GXYLT1: variants seen among roughly 807,000 people sequenced by gnomAD.
GXYLT1 encodes the protein glucoside xylosyltransferase 1, also known as glycosyltransferase 8 domain containing 3.
Under a neutral mutation model 54.0 loss-of-function variants are expected in GXYLT1, and 29 were observed. The ratio of observed to expected loss-of-function variants is 0.54; its 90% CI spans 0.40 to 0.73. GXYLT1 has a LOEUF of 0.73. GXYLT1 is among the 30% of genes least tolerant of loss of function. The probability of loss-of-function intolerance (pLI) is 0.00; values close to 1 mark genes in which losing one functional copy is unlikely to be tolerated. For synonymous variants in GXYLT1, 176 were observed against 204.1 expected, an observed-to-expected ratio of 0.86 and a Z score of 1.17; for missense variants, 490 against 553.4, an observed-to-expected ratio of 0.89 and a Z score of 1.15.
intron 3 of GXYLT1, among the ~76,000 whole-genome samples, chr12:42,118,071 G>C (rs2065507747): frequency 6.6e-6 from 1 of 152,194 alleles, no homozygotes; most frequent in South Asian, 2.1e-4. Context: ...TGAAGATAAA[G>C]AATTGCCATA....
At chr12:42,111,311 C>T (rs925747039) in intron 3 of GXYLT1, among the ~76,000 whole-genome samples, 2 of 152,196 alleles carry the variant, frequency 1.3e-5, no homozygotes, top group South Asian at 2.1e-4. Flanking sequence ...GCACCGTGCG[C>T]GAGCCGAACC....
At chr12:42,125,552 G>C (rs1190259793) in intron 2 of GXYLT1, among the ~76,000 whole-genome samples, 1 of 152,178 alleles carries the variant, frequency 6.6e-6, no homozygotes, top group African/African-American at 2.4e-5. Flanking sequence ...AACTGGTCTG[G>C]TCTCAAAAGC....
chr12:42,135,010 C>A (rs2065611710), intron 1 of GXYLT1, among the ~76,000 whole-genome samples: 1 of 152,216 alleles, frequency 6.6e-6, no homozygotes, highest in Non-Finnish European at 1.5e-5. Context: ...GATTATACAA[C>A]CCTATTCATT....
At chr12:42,143,539 T>C (rs2065663112) in intron 1 of GXYLT1, among the ~76,000 whole-genome samples, 1 of 152,154 alleles carries the variant, frequency 6.6e-6, no homozygotes. Flanking sequence ...TACTTCTCTA[T>C]ATCAAAGCAG....
intron 2 of GXYLT1, among the ~76,000 whole-genome samples, chr12:42,124,978 C>G (rs2065552063): frequency 6.6e-6 from 1 of 152,162 alleles, no homozygotes; most frequent in Non-Finnish European, 1.5e-5. Flanking sequence ...AGGCATGAGA[C>G]TTAAATGATA....
At chr12:42,135,093 G>C (rs542259433) in intron 1 of GXYLT1, among the ~76,000 whole-genome samples, 3 of 152,306 alleles carry the variant, frequency 2.0e-5, no homozygotes, top group African/African-American at 7.2e-5. Context: ...CCTTATTCAA[G>C]TGACTTGCTT....
intron 1 of GXYLT1, among the ~76,000 whole-genome samples, chr12:42,141,339 C>G (rs1325978812): frequency 6.6e-6 from 1 of 152,202 alleles, no homozygotes. Context: ...GCCCTGCTAT[C>G]TGCAGTTTTT....
At chr12:42,101,650 C>T (rs180819639) in intron 5 of GXYLT1, among the ~76,000 whole-genome samples, 1 of 151,926 alleles carries the variant, frequency 6.6e-6, no homozygotes, top group Non-Finnish European at 1.5e-5. Flanking sequence ...TGGCTCACTG[C>T]AACCTCCACC....
At chr12:42,112,322 C>T (rs2065462913) in intron 3 of GXYLT1, among the ~76,000 whole-genome samples, 1 of 151,910 alleles carries the variant, frequency 6.6e-6, no homozygotes, top group African/African-American at 2.4e-5. Flanking sequence ...TGAGAGAAGG[C>T]TTCAGAAGAT....
At chr12:42,134,995 A>G (rs2065611650) in intron 1 of GXYLT1, among the ~76,000 whole-genome samples, 1 of 152,226 alleles carries the variant, frequency 6.6e-6, no homozygotes, top group Admixed American at 6.5e-5. Context: ...ATTTAACTGT[A>G]AAAGGATTAT....
rs1326301164 is a variant in GXYLT1 at position 42,111,658 on chromosome 12, C to A, written c.487-1967G>T. Among the ~76,000 whole-genome samples the A allele has an allele frequency of 2.0e-5, 3 of 152,228 alleles. No homozygotes were observed. In the East Asian group the frequency reaches 5.8e-4, roughly 29 times the overall value. ...CCAGGAAGCTCGAACTGGGTGGAGCCCACCACAGCTCAAGGAGGCCTGCCT... is the reference window on the plus strand; with the variant it reads ...CCAGGAAGCTCGAACTGGGTGGAGCACACCACAGCTCAAGGAGGCCTGCCT... On this transcript the variant is annotated intron_variant, in intron 3 of 7. Transcript: ENST00000398675.
chr12:42,144,764 C>A lies in GXYLT1; in HGVS notation c.-118G>T. ...CAAGTTCCTCACCCGCAGCCGCCGC[C>A]GCCGCCTTGCGCCCGCTCCCTTCCT... On this transcript the variant is annotated 5_prime_UTR_variant, in exon 1 of 8. Transcript: ENST00000398675. 1 of 643,438 alleles carries A rather than the reference C, an allele frequency of 1.6e-6. No homozygotes were observed. The highest frequency in any genetic ancestry group is 2.3e-6 in the Non-Finnish European group (1 of 442,742). The allele number at this position is 643,438 out of a possible 1,614,324, so 39.9% of individuals were successfully genotyped here.
intron 1 of GXYLT1, among the ~76,000 whole-genome samples, chr12:42,138,140 G>A (rs575793502): frequency 7.9e-5 from 12 of 152,218 alleles, no homozygotes; most frequent in East Asian, 1.9e-4. Flanking sequence ...GGTGGCATGC[G>A]CCTGTAGTCC....
In GXYLT1 at chr12:42,126,073, C is replaced by CTTT. The variant is rs35070036; in HGVS notation, c.314+3683_314+3685dup. Among the ~76,000 whole-genome samples the CTTT allele has an allele frequency of 1.3e-3, 182 of 135,236 alleles. 3 individuals carry two copies. The highest frequency in any genetic ancestry group is 1.8e-3 in the Admixed American group (24 of 13,498). 88.7% of individuals were successfully genotyped at this position (135,236 alleles called of 152,430 possible). On this transcript the variant is annotated intron_variant, in intron 2 of 7. Transcript: ENST00000398675. ...AACCCAGAAGCAAAACCAGTAGGAACTTTTTTTTTTTTTTTTTTGAGACAG... is the reference window on the plus strand; with the variant it reads ...AACCCAGAAGCAAAACCAGTAGGAACTTTTTTTTTTTTTTTTTTTTTGAGACAG...
rs2065673305 is a variant in GXYLT1 at position 42,144,786 on chromosome 12, T to G, written c.-140A>C. 1.3e-5 allele frequency: 7 copies of G among 524,618 alleles called. No individual in the cohort carries two copies. In the Admixed American group the frequency reaches 1.4e-4, roughly 10 times the overall value. 32.5% of individuals were successfully genotyped at this position (524,618 alleles called of 1,614,324 possible). On this transcript the variant is annotated 5_prime_UTR_variant, in exon 1 of 8. Transcript: ENST00000398675. ...CGCCGCCGCCTTGCGCCCGCTCCCT[T>G]CCTTCCCTCCCCGCCCACCACCTAG...
chr12:42,122,230 G>A (rs1359962283), intron 2 of GXYLT1, among the ~76,000 whole-genome samples: 1 of 152,178 alleles, frequency 6.6e-6, no homozygotes, highest in African/African-American at 2.4e-5. Flanking sequence ...GGTTCCCATG[G>A]TTAAAGCTGG....
rs2065361228 is a variant in GXYLT1, at chr12:42,097,368, A to G, written c.1161+74T>C. 1.8e-5 allele frequency: 22 copies of G among 1,190,882 alleles called. No individual in the cohort carries two copies. The East Asian group carries it at 5.5e-4, about 30-fold the overall frequency. 73.8% of individuals were successfully genotyped at this position (1,190,882 alleles called of 1,614,324 possible). ...AGTGTGTGTAAAAATTCTTTGTACT[A>G]TTTTTGTAAACTAACCATTAGCTTG... is the stretch of plus-strand genomic sequence containing the variant. On this transcript the variant is annotated intron_variant, in intron 7 of 7. Transcript: ENST00000398675.
intron 2 of GXYLT1, among the ~76,000 whole-genome samples, chr12:42,121,018 G>C (rs2065527727): frequency 6.6e-6 from 1 of 152,056 alleles, no homozygotes; most frequent in African/African-American, 2.4e-5. Context: ...TATAAAGAGG[G>C]GACATGAATC....
intron 1 of GXYLT1, among the ~76,000 whole-genome samples, chr12:42,141,235 T>C (rs980986155): frequency 6.6e-6 from 1 of 152,138 alleles, no homozygotes; most frequent in Non-Finnish European, 1.5e-5. Context: ...GTATTTGAGA[T>C]TAGAGAATAA....
Sources: gnomAD v4.1 joint callset for allele counts (sites outside exome capture counted in the v4.1 genomes callset) on GRCh38, gnomAD v4.1.1 for gene constraint, MANE v1.5 for transcripts, NCBI Gene and HGNC (gene_info 2026-07-23, HGNC 2026-07-21) for gene names.